Variants in CSMD1 observed in about 807,000 individuals in gnomAD.
CSMD1 encodes CUB and Sushi multiple domains 1.
CSMD1 carries 213 observed loss-of-function variants against 417.5 expected under a neutral mutation model. The ratio of observed to expected loss-of-function variants is 0.51; its 90% confidence interval spans 0.46 to 0.57. The LOEUF (loss-of-function observed/expected upper bound fraction) is 0.57. CSMD1 is among the 20% of genes least tolerant of loss of function. The pLI is 0.00. For missense variants in CSMD1, 6,923 were observed against 4,529.7 expected (o/e 1.53, Z -15.17); for synonymous variants, 2,862 against 1,736.8 (o/e 1.65, Z -16.11).
intron 49 of CSMD1, among the ~76,000 whole-genome samples, chr8:3,072,662 A>C (rs1209137772): frequency 6.6e-6 from 1 of 152,172 alleles, no homozygotes; most frequent in Non-Finnish European, 1.5e-5. Context: ...TCCCAATTTT[A>C]ATTAGCACTA....
intron 10 of CSMD1, among the ~76,000 whole-genome samples, chr8:3,560,472 A>T (rs1450217106): frequency 6.6e-6 from 1 of 152,158 alleles, no homozygotes; most frequent in Non-Finnish European, 1.5e-5. Flanking sequence ...CTCCAGACTG[A>T]TTCTTCTCAT....
At chr8:4,935,881 A>G (rs1016867963) in intron 1 of CSMD1, among the ~76,000 whole-genome samples, 13 of 152,306 alleles carry the variant, frequency 8.5e-5, no homozygotes, top group Admixed American at 4.6e-4. Flanking sequence ...AACTCATGCA[A>G]TTTCTGGGCT....
chr8:3,161,295 T>C (rs1043765467), intron 38 of CSMD1, among the ~76,000 whole-genome samples: 1 of 152,104 alleles, frequency 6.6e-6, no homozygotes, highest in Non-Finnish European at 1.5e-5. Flanking sequence ...ATACATTAGA[T>C]TATAAATCAT....
intron 3 of CSMD1, among the ~76,000 whole-genome samples, chr8:4,074,448 G>A (rs902980205): frequency 3.9e-5 from 6 of 152,008 alleles, no homozygotes; most frequent in Non-Finnish European, 8.8e-5. Flanking sequence ...TACTTTCAGA[G>A]AAGCATTTGT....
At chr8:4,622,840 A>T (rs1370303124) in intron 2 of CSMD1, among the ~76,000 whole-genome samples, 2 of 152,180 alleles carry the variant, frequency 1.3e-5, no homozygotes, top group African/African-American at 4.8e-5. Context: ...TTTGCAGATG[A>T]CATGGTTGCC....
At chr8:4,130,986 G>T (rs747319560) in intron 3 of CSMD1, among the ~76,000 whole-genome samples, 7 of 152,084 alleles carry the variant, frequency 4.6e-5, no homozygotes, top group Admixed American at 2.0e-4. Context: ...GGTCTTAAAA[G>T]TCTCTCCCTG....
At chr8:4,458,308 T>G (rs1005639866) in intron 2 of CSMD1, among the ~76,000 whole-genome samples, 5 of 152,146 alleles carry the variant, frequency 3.3e-5, no homozygotes, top group African/African-American at 4.8e-5. Flanking sequence ...TCTTTTTTTT[T>G]GTGTGCGCAC....
intron 12 of CSMD1, among the ~76,000 whole-genome samples, chr8:3,445,430 G>A (rs1815237756): frequency 6.6e-6 from 1 of 151,400 alleles, no homozygotes; most frequent in South Asian, 2.1e-4. Context: ...ATAGTTCTCA[G>A]AAAGAGAAAG....
chr8:4,523,411 T>C (rs540572683), intron 2 of CSMD1, among the ~76,000 whole-genome samples: 8 of 152,188 alleles, frequency 5.3e-5, no homozygotes, highest in Non-Finnish European at 1.2e-4. Flanking sequence ...TTTCCTACTT[T>C]TGTATTAAGT....
chr8:2,953,832 A>G (rs890173129), intron 65 of CSMD1, among the ~76,000 whole-genome samples: 2 of 152,234 alleles, frequency 1.3e-5, no homozygotes, highest in African/African-American at 4.8e-5. Flanking sequence ...TACATTAACA[A>G]CTTATGCTGT....
chr8:4,142,768 A>C (rs1803868479), intron 3 of CSMD1, among the ~76,000 whole-genome samples: 1 of 151,116 alleles, frequency 6.6e-6, no homozygotes, highest in South Asian at 2.1e-4. Context: ...TCACTTCATT[A>C]GTGCAAAACA....
chr8:4,327,219 T>A (rs1799608885), intron 3 of CSMD1, among the ~76,000 whole-genome samples: 2 of 152,234 alleles, frequency 1.3e-5, no homozygotes, highest in African/African-American at 2.4e-5. Flanking sequence ...TTAAAAATGA[T>A]ATAGCTTAGT....
chr8:3,244,638 T>TG (rs1799761926), intron 26 of CSMD1, among the ~76,000 whole-genome samples: 1 of 152,190 alleles, frequency 6.6e-6, no homozygotes, highest in South Asian at 2.1e-4. Context: ...TGAAACATTT[T>TG]GGGGGCAGCT....
chr8:2,938,936 G>C (rs1191411474), intron 69 of CSMD1, among the ~76,000 whole-genome samples, 192 bp from the exon 70 acceptor site: 1 of 152,086 alleles, frequency 6.6e-6, no homozygotes, highest in African/African-American at 2.4e-5. Flanking sequence ...AGTATAAAAT[G>C]GGTTTTAAAA....
intron 59 of CSMD1, among the ~76,000 whole-genome samples, chr8:2,964,649 C>G (rs564463350): frequency 6.6e-6 from 1 of 152,196 alleles, no homozygotes; most frequent in Admixed American, 6.5e-5. Context: ...CTGAATACTG[C>G]CGACACAACG....
chr8:4,047,481 T>C (rs1329121720), intron 3 of CSMD1, among the ~76,000 whole-genome samples: 2 of 152,130 alleles, frequency 1.3e-5, no homozygotes, highest in African/African-American at 4.8e-5. Context: ...CTCAGATTAG[T>C]GGTAGCGTAA....
At chr8:4,087,481 C>A (rs887385631) in intron 3 of CSMD1, among the ~76,000 whole-genome samples, 1 of 152,172 alleles carries the variant, frequency 6.6e-6, no homozygotes, top group African/African-American at 2.4e-5. Context: ...TCTTTCCAAA[C>A]CACCTGTAAT....
At chr8:3,411,747 CACGT>C (rs1812729213) in intron 12 of CSMD1, among the ~76,000 whole-genome samples, 1 of 127,400 alleles carries the variant, frequency 7.8e-6, no homozygotes, top group African/African-American at 3.0e-5. Flanking sequence ...TGTATATATA[CACGT>C]GTATATACGT....
chr8:3,533,175 A>C (rs1798051340), intron 10 of CSMD1, among the ~76,000 whole-genome samples: 2 of 152,202 alleles, frequency 1.3e-5, no homozygotes, highest in Non-Finnish European at 2.9e-5. Flanking sequence ...CTGTGCCAAA[A>C]ATTGTACACA....
Sources: allele counts gnomAD v4.1 joint callset (sites outside exome capture counted in the v4.1 genomes callset), GRCh38; gene constraint gnomAD v4.1.1; transcripts MANE v1.5; gene names NCBI Gene and HGNC (gene_info 2026-07-23, HGNC 2026-07-21).